Variants in SIK3 observed in about 807,000 individuals in gnomAD.
SIK3 encodes serine/threonine-protein kinase SIK3.
In SIK3, 28 loss-of-function variants were observed where a neutral mutation model predicts 144.2. The observed-to-expected ratio is 0.19, with a 90% CI of 0.14 to 0.27. The LOEUF (loss-of-function observed/expected upper bound fraction) is 0.27. SIK3 is among the 10% of genes least tolerant of loss of function. SIK3 has a pLI of 1.00. For synonymous variants in SIK3, 686 were observed against 676.3 expected, an observed-to-expected ratio of 1.01 and a Z score of -0.22; for missense variants, 1,319 against 1,776.0, an observed-to-expected ratio of 0.74 and a Z score of 4.62.
chr11:116,933,182 C>G (rs1050554031), intron 3 of SIK3, among the ~76,000 whole-genome samples: 2 of 151,084 alleles, frequency 1.3e-5, no homozygotes, highest in African/African-American at 2.4e-5. Context: ...TCACTGTCAC[C>G]CAGGATGGAG....
chr11:117,040,948 CTTT>C (rs369066520), intron 1 of SIK3, among the ~76,000 whole-genome samples: 1 of 116,826 alleles, frequency 8.6e-6, no homozygotes. Flanking sequence ...TACCTGCCTC[CTTT>C]TTTTTTTTTT....
At chr11:116,870,024 C>T (rs1315480069) in intron 14 of SIK3, 3 of 1,069,592 alleles carry the variant, frequency 2.8e-6, no homozygotes, top group African/African-American at 3.2e-5. Context: ...AGGCTTTGTG[C>T]CTTGTGAATA....
chr11:116,861,466 A>T, intron 18 of SIK3, 83 bp from the exon 19 acceptor site: 1 of 1,023,294 alleles, frequency 9.8e-7, no homozygotes. Context: ...AACATATATC[A>T]GTGGAAACTA....
intron 3 of SIK3, among the ~76,000 whole-genome samples, chr11:116,932,943 G>A (rs1475107605): frequency 6.6e-6 from 1 of 151,970 alleles, no homozygotes; most frequent in Non-Finnish European, 1.5e-5. Flanking sequence ...ACCATGCCTA[G>A]CTAATTATTT....
rs1404206163 is a variant in SIK3 at position 116,867,605 on chromosome 11, T to C, written c.1952+341A>G. Reference sequence around the variant, plus strand: ...TCAAGTCTATCGATATGGCTAAAAATCTTCCTGTTTCCAGGTGGCCTTCTG... The same window carrying C: ...TCAAGTCTATCGATATGGCTAAAAACCTTCCTGTTTCCAGGTGGCCTTCTG... On this transcript the variant is annotated intron_variant, in intron 15 of 24. Transcript: ENST00000445177. The surrounding 1 kb of genome is among the most constrained non-coding windows in gnomAD (Gnocchi z 4.1). The C allele has an allele frequency of 4.8e-6, 1 of 209,682 alleles. No individual in the cohort carries two copies. The highest frequency in any genetic ancestry group is 9.5e-6 in the Non-Finnish European group (1 of 105,730). 13.0% of individuals were successfully genotyped at this position (209,682 alleles called of 1,614,324 possible). A position where few individuals can be genotyped will look rare whatever the true frequency, so the allele number is the denominator to read the frequency against.
At chr11:117,071,424 G>A (rs1230481702) in intron 1 of SIK3, among the ~76,000 whole-genome samples, 2 of 151,910 alleles carry the variant, frequency 1.3e-5, no homozygotes, top group African/African-American at 4.8e-5. Flanking sequence ...GGGCAGACTA[G>A]ATAAGTAACA....
At chr11:116,890,059 A>G (rs983896580) in intron 6 of SIK3, among the ~76,000 whole-genome samples, 1 of 152,238 alleles carries the variant, frequency 6.6e-6, no homozygotes, top group Admixed American at 6.5e-5. Flanking sequence ...CATTCAACAA[A>G]TATTTACTGA....
At chr11:116,974,467 G>T (rs1211664125) in intron 1 of SIK3, among the ~76,000 whole-genome samples, 1 of 152,066 alleles carries the variant, frequency 6.6e-6, no homozygotes, top group Admixed American at 6.5e-5. Flanking sequence ...ACAGTGGCAC[G>T]ATCACAGTTC....
intron 1 of SIK3, among the ~76,000 whole-genome samples, chr11:116,978,430 A>G (rs901281296): frequency 6.6e-6 from 1 of 152,064 alleles, no homozygotes; most frequent in African/African-American, 2.4e-5. Flanking sequence ...TTTCTTTATA[A>G]TCTTACCATA....
At chr11:117,087,160 C>A (rs1396146432) in intron 1 of SIK3, among the ~76,000 whole-genome samples, 1 of 152,024 alleles carries the variant, frequency 6.6e-6, no homozygotes, top group South Asian at 2.1e-4. Flanking sequence ...TGAGACTTGG[C>A]CGGGTGCGGT....
chr11:116,846,647 G>C lies in SIK3; in HGVS notation c.3953-94C>G. 4.2e-6 allele frequency: 6 copies of C among 1,429,344 alleles called. No homozygotes were observed. In the South Asian group the frequency reaches 7.6e-5, roughly 18 times the overall value. 88.5% of individuals were successfully genotyped at this position (1,429,344 alleles called of 1,614,324 possible). On this transcript the variant is annotated intron_variant, in intron 23 of 24. Transcript: ENST00000445177. The surrounding 1 kb of genome is among the most constrained non-coding windows in gnomAD (Gnocchi z 4.1). ...GAGGAGGAATTGAAGGCAACCTGTCGAGCATCCCACAGCCTGACTCCCAGC... is the reference window on the plus strand; with the variant it reads ...GAGGAGGAATTGAAGGCAACCTGTCCAGCATCCCACAGCCTGACTCCCAGC...
At chr11:116,989,428 A>C (rs773499404) in intron 1 of SIK3, among the ~76,000 whole-genome samples, 9 of 152,210 alleles carry the variant, frequency 5.9e-5, no homozygotes, top group Non-Finnish European at 8.8e-5. Context: ...TCTTGAAAAT[A>C]AGCAAAATGT....
In SIK3 at chr11:116,844,640, T is replaced by TA. The variant is rs1212268982; in HGVS notation, c.*1002_*1003insT. 50 of 85,944 alleles carry TA rather than the reference T, an allele frequency of 5.8e-4. No individual in the cohort carries two copies. Among genetic ancestry groups the TA allele is most frequent in the South Asian group, 9.8e-4 (3 of 3,076 alleles). The allele number at this position is 85,944 out of a possible 1,614,324, so 5.3% of individuals were successfully genotyped here. A position where few individuals can be genotyped will look rare whatever the true frequency, so the allele number is the denominator to read the frequency against. ...TATAATATATATATAATATATTATA[T>TA]TATATATTATATATATAATATATAT... On this transcript the variant is annotated 3_prime_UTR_variant, in exon 25 of 25. Transcript: ENST00000445177.
intron 1 of SIK3, among the ~76,000 whole-genome samples, chr11:116,981,545 T>C (rs954925745): frequency 1.3e-5 from 2 of 152,240 alleles, no homozygotes; most frequent in African/African-American, 2.4e-5. Flanking sequence ...TACTTCTTGA[T>C]AGTACAATAG....
intron 1 of SIK3, among the ~76,000 whole-genome samples, chr11:117,083,919 A>C (rs1190310791): frequency 6.6e-5 from 10 of 152,336 alleles, no homozygotes; most frequent in Non-Finnish European, 1.5e-4. Flanking sequence ...TTCTTCACCA[A>C]GTTTTTAATA....
chr11:117,079,890 C>T (rs1227269487), intron 1 of SIK3, among the ~76,000 whole-genome samples: 1 of 151,926 alleles, frequency 6.6e-6, no homozygotes, highest in Non-Finnish European at 1.5e-5. Flanking sequence ...TATTACAGGC[C>T]AGGCACAGCA....
At chr11:117,050,735 GT>G (rs915064220) in intron 1 of SIK3, among the ~76,000 whole-genome samples, 12 of 151,316 alleles carry the variant, frequency 7.9e-5, no homozygotes, top group South Asian at 6.3e-4. Context: ...TAAATAAATA[GT>G]TTTTTTTTAA....
intron 3 of SIK3, among the ~76,000 whole-genome samples, chr11:116,943,466 G>A (rs1327929356): frequency 6.6e-6 from 1 of 152,060 alleles, no homozygotes; most frequent in Non-Finnish European, 1.5e-5. Context: ...ATTCCACCAG[G>A]GATTAGGAAT....
intron 1 of SIK3, among the ~76,000 whole-genome samples, chr11:117,016,965 G>GA (rs1259313294): frequency 2.0e-5 from 3 of 152,100 alleles, no homozygotes; most frequent in African/African-American, 7.2e-5. Context: ...ACATAATAGA[G>GA]AAAAATATAA....
Sources: gnomAD v4.1 joint callset for allele counts (sites outside exome capture counted in the v4.1 genomes callset) on GRCh38, gnomAD v4.1.1 for gene constraint, Gnocchi (gnomAD v3.1) non-coding constraint, MANE v1.5 for transcripts, NCBI Gene and HGNC (gene_info 2026-07-23, HGNC 2026-07-21) for gene names.